ABLIM1: variants seen among roughly 807,000 people sequenced by gnomAD.
The protein encoded by ABLIM1 is actin binding LIM protein 1.
Under a neutral mutation model 107.0 loss-of-function variants are expected in ABLIM1, and 40 were observed. That is an observed-to-expected ratio of 0.37 (90% CI 0.29 to 0.49). The LOEUF (loss-of-function observed/expected upper bound fraction) is 0.49, where lower values mean the gene tolerates loss of function less well. Among genes scored for constraint, ABLIM1 ranks in the 20% least tolerant of loss-of-function variants. ABLIM1 has a pLI of 0.97. For missense variants in ABLIM1, 857 were observed against 1,008.5 expected (o/e 0.85, Z 2.04); for synonymous variants, 357 against 357.3 (o/e 1.00, Z 0.01).
chr10:114,779,228 T>C, the ABLIM1 span: 1 of 152,284 alleles, frequency 6.6e-6, no homozygotes, highest in South Asian at 2.1e-4. Context: ...TTTGAACATA[T>C]CATCTTATTT....
At chr10:114,487,739 G>C (rs919452235) in intron 8 of ABLIM1, among the ~76,000 whole-genome samples, 11 of 152,182 alleles carry the variant, frequency 7.2e-5, no homozygotes, top group Non-Finnish European at 1.5e-4. Flanking sequence ...TAAGGCCAAG[G>C]CTTACTTTGT....
intron 3 of ABLIM1, among the ~76,000 whole-genome samples, chr10:114,574,980 C>T (rs1334596730): frequency 6.6e-6 from 1 of 152,172 alleles, no homozygotes; most frequent in East Asian, 1.9e-4. Context: ...ACTTTATCCA[C>T]AAAAACAGGT....
At chr10:114,786,007 G>C in the ABLIM1 span, among the ~76,000 whole-genome samples, 1 of 152,094 alleles carries the variant, frequency 6.6e-6, no homozygotes, top group Admixed American at 6.5e-5. Context: ...GGGATTACAG[G>C]CATGAGCCAC....
At chr10:114,618,631 C>T (rs1391836706) in intron 1 of ABLIM1, among the ~76,000 whole-genome samples, 1 of 152,156 alleles carries the variant, frequency 6.6e-6, no homozygotes. Context: ...GAGGGTGCTG[C>T]CCCCAACTCA....
At chr10:114,718,043 G>GAGAA (rs60775863) in intron 1 of ABLIM1, among the ~76,000 whole-genome samples, 939 of 77,096 alleles carry the variant, frequency 0.012, 25 homozygotes, top group East Asian at 0.015. Context: ...GAAAGAGAAA[G>GAGAA]AGAAAGAAAG....
intron 1 of ABLIM1, among the ~76,000 whole-genome samples, chr10:114,704,302 C>CTCTATATATATATATATATATA (rs1380460034): frequency 4.6e-5 from 2 of 43,086 alleles, no homozygotes; most frequent in Admixed American, 2.3e-4. Context: ...CTCTCTCTCT[C>CTCTATATATATATATATATATA]TATATATATA....
chr10:114,770,266 TCTAGGGTAGATA>T (rs1358886595), upstream of ABLIM1, among the ~76,000 whole-genome samples: 2 of 152,192 alleles, frequency 1.3e-5, no homozygotes, highest in Non-Finnish European at 2.9e-5. Context: ...TGTACCAGTC[TCTAGGGTAGATA>T]CTAGGGTTAC....
chr10:114,474,355 T>C (rs2067156040), intron 8 of ABLIM1, among the ~76,000 whole-genome samples: 1 of 148,822 alleles, frequency 6.7e-6, no homozygotes, highest in African/African-American at 2.5e-5. Flanking sequence ...TCAAATCAAA[T>C]CCACCTGGCA....
At chr10:114,462,678 G>A (rs191958390) in intron 12 of ABLIM1, among the ~76,000 whole-genome samples, 80 of 152,046 alleles carry the variant, frequency 5.3e-4, no homozygotes, top group Admixed American at 8.5e-4. Flanking sequence ...GCTGAGACAC[G>A]TTGCGTATTG....
At chr10:114,590,966 T>C (rs1471425229) in intron 2 of ABLIM1, among the ~76,000 whole-genome samples, 1 of 152,292 alleles carries the variant, frequency 6.6e-6, no homozygotes, top group Non-Finnish European at 1.5e-5. Context: ...TCAAAATCCC[T>C]TCTCAGATTA....
At chr10:114,560,926 G>C (rs776077020) in intron 4 of ABLIM1, among the ~76,000 whole-genome samples, 2 of 152,132 alleles carry the variant, frequency 1.3e-5, no homozygotes, top group Non-Finnish European at 2.9e-5. Flanking sequence ...ATTTTCTTTT[G>C]GGGTGATGAA....
At chr10:114,601,761 G>A in intron 2 of ABLIM1, 66 bp downstream of exon 2, 1 of 1,610,986 alleles carries the variant, frequency 6.2e-7, no homozygotes, top group Non-Finnish European at 8.5e-7. Context: ...TTAAGGGGAT[G>A]GGCTGGACCC....
intron 6 of ABLIM1, among the ~76,000 whole-genome samples, chr10:114,535,469 C>T (rs1385775917): frequency 6.6e-6 from 1 of 152,166 alleles, no homozygotes; most frequent in Admixed American, 6.5e-5. Context: ...AGCCACCATG[C>T]CCGGCTAATT....
intron 2 of ABLIM1, among the ~76,000 whole-genome samples, chr10:114,598,309 C>T (rs1025738310): frequency 2.0e-5 from 3 of 147,340 alleles, no homozygotes; most frequent in Non-Finnish European, 4.5e-5. Flanking sequence ...AATGTGCGGC[C>T]GGGTGCAGTG....
chr10:114,475,383 T>C (rs1397943000), intron 8 of ABLIM1, among the ~76,000 whole-genome samples: 2 of 152,196 alleles, frequency 1.3e-5, no homozygotes, highest in Non-Finnish European at 2.9e-5. Context: ...AGTGTCATTC[T>C]TTTTTCCTTC....
At chr10:114,609,182 G>A (rs951137812) in intron 1 of ABLIM1, among the ~76,000 whole-genome samples, 2 of 152,188 alleles carry the variant, frequency 1.3e-5, no homozygotes, top group Non-Finnish European at 2.9e-5. Flanking sequence ...ATCACAGACA[G>A]TCTGACTTTG....
intron 1 of ABLIM1, among the ~76,000 whole-genome samples, chr10:114,708,089 C>T (rs1386344638): frequency 1.3e-5 from 2 of 152,142 alleles, no homozygotes; most frequent in Non-Finnish European, 2.9e-5. Context: ...TGATGGAAAA[C>T]CTTGTTAAAA....
intron 12 of ABLIM1, among the ~76,000 whole-genome samples, chr10:114,454,100 A>G (rs1290554881): frequency 6.6e-6 from 1 of 152,200 alleles, no homozygotes; most frequent in Non-Finnish European, 1.5e-5. Context: ...TTTCACGACC[A>G]TTTATACCTC....
chr10:114,541,870 C>G (rs530475258), intron 6 of ABLIM1, among the ~76,000 whole-genome samples: 2 of 152,088 alleles, frequency 1.3e-5, no homozygotes, highest in Non-Finnish European at 2.9e-5. Flanking sequence ...TTCTTCCCCA[C>G]AGCTGTTGAG....
Sources: allele counts gnomAD v4.1 joint callset (sites outside exome capture counted in the v4.1 genomes callset), GRCh38; gene constraint gnomAD v4.1.1; transcripts MANE v1.5; gene names NCBI Gene and HGNC (gene_info 2026-07-23, HGNC 2026-07-21).